Variants in SLC2A9 observed in about 807,000 individuals in gnomAD.
SLC2A9 encodes the protein solute carrier family 2 member 9.
SLC2A9 carries 39 observed loss-of-function variants against 50.6 expected under a neutral mutation model. That is an observed-to-expected ratio of 0.77 (90% CI 0.60 to 1.01). SLC2A9 has a LOEUF of 1.01. SLC2A9 is among the 50% of genes least tolerant of loss of function. The pLI, the probability that SLC2A9 is intolerant of heterozygous loss-of-function variation, is 0.00. For missense variants in SLC2A9, 686 were observed against 677.6 expected, an observed-to-expected ratio of 1.01 and a Z score of -0.14; for synonymous variants, 324 against 276.9, an observed-to-expected ratio of 1.17 and a Z score of -1.69.
chr4:9,838,473 T>C (rs915913449), intron 10 of SLC2A9, among the ~76,000 whole-genome samples: 4 of 152,136 alleles, frequency 2.6e-5, no homozygotes, highest in Non-Finnish European at 5.9e-5. Context: ...TAAACTACCA[T>C]TGACATTCTT....
At chr4:9,875,914 G>A (rs1236995268) in intron 10 of SLC2A9, among the ~76,000 whole-genome samples, 5 of 152,130 alleles carry the variant, frequency 3.3e-5, no homozygotes, top group Non-Finnish European at 7.3e-5. Flanking sequence ...CAGAGTGTGG[G>A]GTCTGACATG....
At chr4:9,914,434 G>A (rs1742475989) in intron 7 of SLC2A9, among the ~76,000 whole-genome samples, 1 of 152,218 alleles carries the variant, frequency 6.6e-6, no homozygotes, top group Admixed American at 6.5e-5. Flanking sequence ...CTTGGCAGTG[G>A]AGGCAGAGGA....
chr4:9,783,885 G>A (rs1443311808), intron 3 of SLC2A9: 5 of 178,092 alleles, frequency 2.8e-5, no homozygotes, highest in Non-Finnish European at 6.7e-5. Flanking sequence ...GCTTTCCTGG[G>A]TCTGGATTCC....
At chr4:10,001,690 A>G (rs545627585) in intron 2 of SLC2A9, among the ~76,000 whole-genome samples, 1 of 152,374 alleles carries the variant, frequency 6.6e-6, no homozygotes, top group East Asian at 1.9e-4. Context: ...GGGTGCTACC[A>G]GCAGCCTTCA....
At chr4:9,987,452 G>A (rs1756927213) in intron 3 of SLC2A9, among the ~76,000 whole-genome samples, 1 of 152,224 alleles carries the variant, frequency 6.6e-6, no homozygotes, top group Non-Finnish European at 1.5e-5. Flanking sequence ...TAGTCAGTGA[G>A]TCAAGGAGTT....
chr4:9,820,134 T>C (rs375549692), intron 3 of SLC2A9, among the ~76,000 whole-genome samples: 9 of 152,244 alleles, frequency 5.9e-5, no homozygotes, highest in Admixed American at 5.9e-4. Context: ...TTTAGGGTTA[T>C]GATTCATTTT....
At position 9,783,265 on chromosome 4, in the gene SLC2A9, C is replaced by T. The variant is rs6281; in HGVS notation, n.386-3200G>A. 5.4e-3 allele frequency: 8,674 copies of T among 1,614,214 alleles called. 251 individuals are homozygous for T. The East Asian group carries it at 0.065, about 12-fold the overall frequency. On this transcript the variant is annotated intron_variant and non_coding_transcript_variant, in intron 3 of 3. Transcript: ENST00000503803. ...AGGAAATCGCAGCTGCCTACATCCA[C>T]ATGATGCCCAACGCCGTTACCCCCG...
chr4:10,021,417 G>C lies in SLC2A9; in HGVS notation c.13C>G (p.Gln5Glu). 6.2e-7 allele frequency: 1 copy of C among 1,614,188 alleles called. No homozygotes were observed. The change falls in exon 1 of 12, where the codon CAA becomes GAA. Residue 5 changes from glutamine to glutamate, a missense_variant. By Grantham distance (29) the Gln-to-Glu change is conservative (BLOSUM62 2). Coordinates refer to ENST00000264784, the MANE Select transcript of SLC2A9 (RefSeq NM_020041.3). The stretch of plus-strand genomic sequence containing the variant: ...CCCAGTTCCTTGGAATTCCTATTTT[G>C]TTTCCTTGCCATGGGTCTCAGTGAC... MARK[Q>E]NRNSKELGLV... is the part of the protein sequence containing the mutation.
At chr4:9,924,012 G>A (rs1744438747) in intron 6 of SLC2A9, 1 of 152,236 alleles carries the variant, frequency 6.6e-6, no homozygotes, top group South Asian at 2.1e-4. Flanking sequence ...TGTTTGCACG[G>A]AGATGAAGTT....
intron 10 of SLC2A9, among the ~76,000 whole-genome samples, chr4:9,853,705 T>C (rs1050097701): frequency 7.2e-5 from 11 of 152,078 alleles, no homozygotes; most frequent in African/African-American, 2.4e-4. Context: ...GACATTCTTC[T>C]CATTTGCACA....
chr4:9,878,986 C>G (rs937984149), intron 10 of SLC2A9: 1 of 962,612 alleles, frequency 1.0e-6, no homozygotes, highest in African/African-American at 1.8e-5. Context: ...ACACACCACA[C>G]AGTAGGAACT....
chr4:9,879,573 G>A, intron 10 of SLC2A9: 3 of 985,340 alleles, frequency 3.0e-6, no homozygotes, highest in Non-Finnish European at 3.6e-6. Flanking sequence ...TTCCAAGCAA[G>A]GTATGTGCTG....
intron 1 of SLC2A9, among the ~76,000 whole-genome samples, chr4:9,772,156 G>A (rs780973693): frequency 1.6e-4 from 24 of 152,200 alleles, no homozygotes; most frequent in Non-Finnish European, 3.1e-4. Context: ...GGAGATAGGA[G>A]TGGGGGTGAA....
chr4:9,964,015 C>T (rs1230684356), intron 5 of SLC2A9, among the ~76,000 whole-genome samples: 1 of 152,082 alleles, frequency 6.6e-6, no homozygotes, highest in African/African-American at 2.4e-5. Flanking sequence ...GAGCCTGGAG[C>T]CAGGTCATAC....
At chr4:9,893,229 C>T (rs1468080010) in intron 8 of SLC2A9, among the ~76,000 whole-genome samples, 7 of 152,084 alleles carry the variant, frequency 4.6e-5, no homozygotes, top group Non-Finnish European at 8.8e-5. Context: ...CCCACCCCCT[C>T]CCCCCTCCGC....
At chr4:9,779,486 C>T (rs1718031889), downstream of SLC2A9, among the ~76,000 whole-genome samples, 1 of 148,568 alleles carries the variant, frequency 6.7e-6, no homozygotes, top group Non-Finnish European at 1.5e-5. Flanking sequence ...GTGATCTCGG[C>T]TCACTGCAAG....
intron 10 of SLC2A9, among the ~76,000 whole-genome samples, chr4:9,872,318 A>G (rs962935227): frequency 5.3e-5 from 8 of 152,202 alleles, no homozygotes; most frequent in Non-Finnish European, 1.0e-4. Context: ...CTGGCCAGGA[A>G]TGAGGGCTCA....
At chr4:10,007,012 G>A (rs1302299449) in intron 2 of SLC2A9, among the ~76,000 whole-genome samples, 1 of 152,126 alleles carries the variant, frequency 6.6e-6, no homozygotes, top group East Asian at 1.9e-4. Context: ...TGCTAGAAGA[G>A]TTCTTTGGAG....
In SLC2A9 at chr4:9,849,194, T is replaced by C. The variant is rs186773754; in HGVS notation, c.1292-14186A>G. ...CAGAAGCTGTAGGCCTGTTGGAGGG[T>C]TTTAGGAGGAGAAAGACAGGATCAG... On this transcript the variant is annotated intron_variant, in intron 10 of 11. Transcript: ENST00000264784. Among the ~76,000 whole-genome samples, 44 of 151,282 alleles carry C rather than the reference T, an allele frequency of 2.9e-4. 1 individual carries two copies. The highest frequency in any genetic ancestry group is 1.0e-3 in the African/African-American group (42 of 41,194).
Sources: gnomAD v4.1 joint callset for allele counts (sites outside exome capture counted in the v4.1 genomes callset) on GRCh38, gnomAD v4.1.1 for gene constraint, MANE v1.5 for transcripts, NCBI Gene and HGNC (gene_info 2026-07-23, HGNC 2026-07-21) for gene names.